Variants in KHDRBS2 observed in about 807,000 individuals in gnomAD.
The protein encoded by KHDRBS2 is KH RNA binding domain containing, signal transduction associated 2, also known as KH domain-containing, RNA-binding, signal transduction-associated protein 2.
KHDRBS2 carries 26 observed loss-of-function variants against 44.3 expected under a neutral mutation model. The observed-to-expected ratio is 0.59, with a 90% CI of 0.43 to 0.81. KHDRBS2 has a LOEUF of 0.81. Among genes scored for constraint, KHDRBS2 ranks in the 40% least tolerant of loss-of-function variants. KHDRBS2 has a pLI of 0.00. For missense variants in KHDRBS2, 476 were observed against 433.1 expected (o/e 1.10, Z -0.88); for synonymous variants, 194 against 151.1 (o/e 1.28, Z -2.08).
chr6:62,246,395 T>C lies in KHDRBS2; in HGVS notation c.91+39463A>G, dbSNP rs138104436. ...ATACTCTATAAGAAAAACATTCACT[T>C]CTCCTTTCTTTTCTACTGCTAATAG... On this transcript the variant is annotated intron_variant, in intron 1 of 8. Transcript: ENST00000281156. Among the ~76,000 whole-genome samples, 380 of 152,090 alleles carry C rather than the reference T, an allele frequency of 2.5e-3. 3 individuals carry two copies. Among genetic ancestry groups the C allele is most frequent in the African/African-American group, 8.4e-3 (348 of 41,536 alleles).
intron 2 of KHDRBS2, among the ~76,000 whole-genome samples, chr6:62,053,285 C>A (rs1489706276): frequency 3.5e-4 from 53 of 151,428 alleles, no homozygotes; most frequent in Admixed American, 3.4e-3. Flanking sequence ...AAGAACTCAG[C>A]AGGAGAATAT....
At chr6:61,691,970 C>T (rs1285510910) in intron 8 of KHDRBS2, among the ~76,000 whole-genome samples, 1 of 152,054 alleles carries the variant, frequency 6.6e-6, no homozygotes, top group East Asian at 1.9e-4. Flanking sequence ...ATCTAAAATG[C>T]CACTAAAGAA....
chr6:62,258,996 C>A (rs1387899315), intron 1 of KHDRBS2, among the ~76,000 whole-genome samples: 1 of 151,908 alleles, frequency 6.6e-6, no homozygotes, highest in Non-Finnish European at 1.5e-5. Context: ...GTTCTTCTCC[C>A]AAGTTTTCAC....
chr6:61,740,120 A>T (rs1442000082), intron 6 of KHDRBS2, among the ~76,000 whole-genome samples: 1 of 151,950 alleles, frequency 6.6e-6, no homozygotes, highest in East Asian at 1.9e-4. Flanking sequence ...CTATGGAAGC[A>T]CACTGGAGGA....
chr6:61,757,499 A>G (rs1319422897), intron 6 of KHDRBS2, among the ~76,000 whole-genome samples: 1 of 152,110 alleles, frequency 6.6e-6, no homozygotes, highest in Admixed American at 6.6e-5. Flanking sequence ...TAGGCTGCAT[A>G]CAGTTTGGCC....
rs186644340 is a variant in KHDRBS2, at chr6:61,800,680, G to A, written c.811-67916C>T. Among the ~76,000 whole-genome samples the A allele has an allele frequency of 8.5e-5, 13 of 152,132 alleles. No homozygotes were observed. The East Asian group carries it at 2.5e-3, about 29-fold the overall frequency. ...GGGTCTATTCTACTTGCAGGCAGGG[G>A]ACATAGCCTTCATGTGTCCACCCTT... is the stretch of plus-strand genomic sequence containing the variant. On this transcript the variant is annotated intron_variant, in intron 6 of 8. Coordinates refer to ENST00000281156, the MANE Select transcript of KHDRBS2 (RefSeq NM_152688.4).
rs188262817 is a variant in KHDRBS2 at position 61,757,027 on chromosome 6, C to T, written c.811-24263G>A. ...CAACGTAATTATTTGGAGCTTCCTC[C>T]GCATTTTGATTTTTATCCAAGTCTA... On this transcript the variant is annotated intron_variant, in intron 6 of 8. Coordinates refer to ENST00000281156, the MANE Select transcript of KHDRBS2 (RefSeq NM_152688.4). Among the ~76,000 whole-genome samples, 212 of 152,262 alleles carry T rather than the reference C, an allele frequency of 1.4e-3. 2 individuals carry two copies. The highest frequency in any genetic ancestry group is 5.2e-3 in the Admixed American group (80 of 15,284).
chr6:61,954,441 A>C (rs1458993303), intron 4 of KHDRBS2, among the ~76,000 whole-genome samples: 1 of 99,136 alleles, frequency 1.0e-5, no homozygotes, highest in African/African-American at 3.1e-5. Context: ...GCATGCATAC[A>C]TATATACGTA....
intron 4 of KHDRBS2, among the ~76,000 whole-genome samples, chr6:61,911,112 C>A (rs528366227): frequency 1.3e-5 from 2 of 152,082 alleles, no homozygotes; most frequent in African/African-American, 2.4e-5. Context: ...TGTACACATT[C>A]TATGCATAAA....
At chr6:61,967,179 G>A (rs1562546104) in intron 4 of KHDRBS2, among the ~76,000 whole-genome samples, 2 of 141,800 alleles carry the variant, frequency 1.4e-5, no homozygotes, top group African/African-American at 5.3e-5. Flanking sequence ...TTAGATTGGA[G>A]TAGGATTTCT....
intron 8 of KHDRBS2, among the ~76,000 whole-genome samples, chr6:61,685,022 C>T (rs1766669665): frequency 1.3e-5 from 2 of 151,382 alleles, no homozygotes; most frequent in South Asian, 4.2e-4. Context: ...TTTAAGGGGC[C>T]CATAAAAGAC....
At chr6:62,195,900 T>A (rs547168364) in intron 1 of KHDRBS2, among the ~76,000 whole-genome samples, 44 of 152,264 alleles carry the variant, frequency 2.9e-4, no homozygotes, top group Admixed American at 1.4e-3. Context: ...ACATTAGAAA[T>A]AATGTTTTAA....
At chr6:61,630,023 T>C in the KHDRBS2 span, among the ~76,000 whole-genome samples, 15 of 152,322 alleles carry the variant, frequency 9.8e-5, 1 homozygote, top group East Asian at 2.3e-3. Context: ...TCAATACGCA[T>C]TTTAAAATGT....
intron 2 of KHDRBS2, among the ~76,000 whole-genome samples, chr6:62,073,530 C>CTTTTTTTTTTTTTTT (rs60124030): frequency 2.4e-5 from 3 of 124,414 alleles, no homozygotes; most frequent in Non-Finnish European, 3.4e-5. Flanking sequence ...TTTCTTTTTT[C>CTTTTTTTTTTTTTTT]TTTTTTTTTT....
chr6:62,212,563 G>A (rs994249885), intron 1 of KHDRBS2, among the ~76,000 whole-genome samples: 1 of 152,138 alleles, frequency 6.6e-6, no homozygotes, highest in African/African-American at 2.4e-5. Context: ...TATTGGAATA[G>A]GGTGGACCTT....
the KHDRBS2 span, among the ~76,000 whole-genome samples, chr6:61,613,275 ATG>A: frequency 6.6e-6 from 1 of 152,140 alleles, no homozygotes; most frequent in Admixed American, 6.5e-5. Flanking sequence ...TGCTCCTAAA[ATG>A]GTACCTGGCA....
intron 1 of KHDRBS2, among the ~76,000 whole-genome samples, chr6:62,198,772 A>G (rs1013698464): frequency 3.9e-5 from 6 of 152,192 alleles, no homozygotes; most frequent in Admixed American, 3.3e-4. Flanking sequence ...AGCCTGGCAG[A>G]GACACAACAG....
At chr6:61,762,216 T>G (rs1294060185) in intron 6 of KHDRBS2, among the ~76,000 whole-genome samples, 1 of 152,172 alleles carries the variant, frequency 6.6e-6, no homozygotes, top group Non-Finnish European at 1.5e-5. Context: ...TGCACAACTT[T>G]TCCATAATTG....
intron 2 of KHDRBS2, among the ~76,000 whole-genome samples, chr6:62,176,441 C>A (rs1347624625): frequency 6.6e-6 from 1 of 151,174 alleles, no homozygotes; most frequent in Non-Finnish European, 1.5e-5. Context: ...TTTCTGTAAT[C>A]GTTACTATTA....
Sources: gnomAD v4.1 joint callset for allele counts (sites outside exome capture counted in the v4.1 genomes callset) on GRCh38, gnomAD v4.1.1 for gene constraint, MANE v1.5 for transcripts, NCBI Gene and HGNC (gene_info 2026-07-23, HGNC 2026-07-21) for gene names.